Variants in PPM1L observed in about 807,000 individuals in gnomAD.
PPM1L encodes protein phosphatase 1L.
Under a neutral mutation model 31.4 loss-of-function variants are expected in PPM1L, and 13 were observed. The observed-to-expected ratio is 0.41, with a 90% CI of 0.27 to 0.66. The LOEUF is 0.66. PPM1L is among the 30% of genes least tolerant of loss of function. PPM1L has a pLI of 0.29. For missense variants in PPM1L, 326 were observed against 453.7 expected (o/e 0.72, Z 2.56); for synonymous variants, 184 against 175.4 (o/e 1.05, Z -0.39).
At chr3:160,829,895 G>A (rs749437922) in intron 1 of PPM1L, among the ~76,000 whole-genome samples, 1 of 152,162 alleles carries the variant, frequency 6.6e-6, no homozygotes, top group Non-Finnish European at 1.5e-5. Flanking sequence ...TTCCTGGCCT[G>A]TTCTCTAACA....
At chr3:160,955,578 T>G (rs58295120) in intron 1 of PPM1L, among the ~76,000 whole-genome samples, 1,551 of 152,246 alleles carry the variant, frequency 0.01, 20 homozygotes, top group East Asian at 0.05. Context: ...AAGGCTTGTT[T>G]TCCCAACAGT....
chr3:160,897,802 G>T (rs942658297), intron 1 of PPM1L, among the ~76,000 whole-genome samples: 5 of 152,232 alleles, frequency 3.3e-5, no homozygotes, highest in African/African-American at 4.8e-5. Flanking sequence ...TATCCCTGGT[G>T]AATATTCATT....
chr3:161,038,987 C>G (rs1718831689), intron 2 of PPM1L, among the ~76,000 whole-genome samples: 1 of 152,206 alleles, frequency 6.6e-6, no homozygotes, highest in South Asian at 2.1e-4. Context: ...GTCCTCCTCA[C>G]TGCTACCCTC....
chr3:160,883,233 T>C (rs1313174244), intron 1 of PPM1L, among the ~76,000 whole-genome samples: 1 of 152,224 alleles, frequency 6.6e-6, no homozygotes, highest in Admixed American at 6.5e-5. Flanking sequence ...TTGCTGTTAA[T>C]GATGCTGTTA....
chr3:160,840,371 A>T (rs937320214), intron 1 of PPM1L, among the ~76,000 whole-genome samples: 1 of 152,212 alleles, frequency 6.6e-6, no homozygotes, highest in Non-Finnish European at 1.5e-5. Flanking sequence ...CCATTTGCTC[A>T]CTAGGTATCT....
chr3:160,981,278 T>C (rs889557818), intron 2 of PPM1L, among the ~76,000 whole-genome samples: 6 of 152,194 alleles, frequency 3.9e-5, no homozygotes, highest in Non-Finnish European at 8.8e-5. Flanking sequence ...TCTCATGTAG[T>C]TGCATTCAAG....
chr3:160,883,715 T>G (rs1420916190), intron 1 of PPM1L, among the ~76,000 whole-genome samples: 1 of 151,604 alleles, frequency 6.6e-6, no homozygotes, highest in East Asian at 1.9e-4. Flanking sequence ...GAGACTGGGT[T>G]TGGGGGCCTG....
intron 1 of PPM1L, among the ~76,000 whole-genome samples, chr3:160,844,205 C>G (rs1713999615): frequency 6.6e-6 from 1 of 152,168 alleles, no homozygotes; most frequent in Non-Finnish European, 1.5e-5. Flanking sequence ...GTTCTTTTCT[C>G]TTTACATAAG....
In PPM1L at chr3:160,844,846, A is replaced by G. The variant is rs1284154358; in HGVS notation, c.399+88139A>G. On this transcript the variant is annotated intron_variant, in intron 1 of 3. Coordinates refer to ENST00000498165, the MANE Select transcript of PPM1L (RefSeq NM_139245.4). ...AACTGTCATTCTGATAAGTTTTAGA[A>G]CATTTTCATCACCCCAAGCAGAAGC... is the stretch of plus-strand genomic sequence containing the variant. Among the ~76,000 whole-genome samples, 4 of 152,204 alleles carry G rather than the reference A, an allele frequency of 2.6e-5. 1 individual carries two copies. The South Asian group carries it at 8.3e-4, about 32-fold the overall frequency.
chr3:160,947,397 A>G (rs1217076595), intron 1 of PPM1L, among the ~76,000 whole-genome samples: 6 of 152,056 alleles, frequency 3.9e-5, no homozygotes, highest in African/African-American at 1.4e-4. Context: ...ATATCAATAA[A>G]ATATACTGTT....
At chr3:160,961,956 A>T (rs7629001) in intron 2 of PPM1L, 46 bp downstream of exon 2, 1,279,855 of 1,470,144 alleles carry the variant, frequency 0.87, 558,420 homozygotes, top group Middle Eastern at 0.9. Context: ...TGCAAAAAAA[A>T]TTCATTATAA....
intron 1 of PPM1L, among the ~76,000 whole-genome samples, chr3:160,800,991 A>G (rs1364068881): frequency 2.6e-5 from 4 of 152,146 alleles, no homozygotes; most frequent in Admixed American, 1.3e-4. Flanking sequence ...TTTATATATT[A>G]CTGCATATGA....
chr3:160,776,909 T>A (rs551440252), intron 1 of PPM1L, among the ~76,000 whole-genome samples: 2 of 152,074 alleles, frequency 1.3e-5, no homozygotes, highest in Admixed American at 1.3e-4. Context: ...CTTGGTGGCT[T>A]TTATAGAATG....
chr3:160,829,107 G>A (rs943158643), intron 1 of PPM1L, among the ~76,000 whole-genome samples: 2 of 151,698 alleles, frequency 1.3e-5, no homozygotes, highest in Non-Finnish European at 2.9e-5. Flanking sequence ...CTTTGGTCTC[G>A]GTATTCCAGA....
chr3:160,757,160 C>G (rs575526515), intron 1 of PPM1L, among the ~76,000 whole-genome samples: 1 of 152,334 alleles, frequency 6.6e-6, no homozygotes, highest in Non-Finnish European at 1.5e-5. Context: ...CAGGCTATAT[C>G]TGCAGAGCGA....
intron 2 of PPM1L, among the ~76,000 whole-genome samples, chr3:161,011,509 T>G (rs1717893845): frequency 6.6e-6 from 1 of 152,044 alleles, no homozygotes; most frequent in African/African-American, 2.4e-5. Context: ...GGCTCTTTTT[T>G]GGTTCCATAG....
intron 2 of PPM1L, among the ~76,000 whole-genome samples, chr3:160,974,092 A>G (rs964041431): frequency 3.1e-4 from 41 of 131,146 alleles, no homozygotes; most frequent in African/African-American, 9.2e-4. Context: ...TCATTGTTCA[A>G]TTCCCACCTA....
At chr3:160,927,730 G>A (rs1242734610) in intron 1 of PPM1L, among the ~76,000 whole-genome samples, 2 of 152,132 alleles carry the variant, frequency 1.3e-5, no homozygotes, top group African/African-American at 2.4e-5. Context: ...CTGGTCGAAC[G>A]AAACTTGTCA....
At chr3:160,926,499 A>G (rs1361757844) in intron 1 of PPM1L, among the ~76,000 whole-genome samples, 5 of 152,164 alleles carry the variant, frequency 3.3e-5, no homozygotes, top group African/African-American at 9.6e-5. Context: ...CAGCACACCA[A>G]GAGTTTAAGC....
Sources: gnomAD v4.1 joint callset for allele counts (sites outside exome capture counted in the v4.1 genomes callset) on GRCh38, gnomAD v4.1.1 for gene constraint, MANE v1.5 for transcripts, NCBI Gene and HGNC (gene_info 2026-07-23, HGNC 2026-07-21) for gene names.